GANC: variants seen among roughly 807,000 people sequenced by gnomAD.
GANC encodes glucosidase alpha, neutral C, also known as neutral alpha-glucosidase C.
A neutral mutation model predicts 124.2 loss-of-function variants in GANC; 117 were observed. The ratio of observed to expected loss-of-function variants is 0.94; its 90% CI spans 0.81 to 1.10. The LOEUF is 1.10. Ranked by LOEUF, GANC falls within the 50% of genes least tolerant of loss-of-function variation. The probability of loss-of-function intolerance (pLI) is 0.00; values close to 1 mark genes in which losing one functional copy is unlikely to be tolerated. For missense variants in GANC, 1,140 were observed against 1,095.0 expected, an observed-to-expected ratio of 1.04 and a Z score of -0.58; for synonymous variants, 377 against 376.8, an observed-to-expected ratio of 1.00 and a Z score of -0.01.
intron 5 of GANC, among the ~76,000 whole-genome samples, chr15:42,293,233 TA>T (rs2051859089): frequency 6.6e-6 from 1 of 152,320 alleles, no homozygotes; most frequent in South Asian, 2.1e-4. Flanking sequence ...CATACCTTCG[TA>T]ATTTCACTTC....
intron 15 of GANC, among the ~76,000 whole-genome samples, chr15:42,336,143 A>G (rs567240442): frequency 7.4e-5 from 11 of 148,238 alleles, no homozygotes; most frequent in Non-Finnish European, 8.9e-5. Flanking sequence ...GAACCAAAAA[A>G]AAAAAAGAAA....
chr15:42,342,352 G>A (rs991896432), intron 18 of GANC, among the ~76,000 whole-genome samples: 1 of 152,158 alleles, frequency 6.6e-6, no homozygotes, highest in Non-Finnish European at 1.5e-5. Flanking sequence ...GGGAGGTCGA[G>A]TATGAGATCG....
chr15:42,318,776 G>T lies in GANC; in HGVS notation c.1058-3009G>T, dbSNP rs142591325. Among the ~76,000 whole-genome samples the T allele has an allele frequency of 3.9e-3, 599 of 152,158 alleles. 3 individuals carry two copies. The highest frequency in any genetic ancestry group is 6.0e-3 in the Non-Finnish European group (407 of 67,992). ...ACTAATTTTTTCATTTTTTATATAGGCAGGGTCTCCCTAGGTTACCCAGGC... is the reference window on the plus strand; with the variant it reads ...ACTAATTTTTTCATTTTTTATATAGTCAGGGTCTCCCTAGGTTACCCAGGC... On this transcript the variant is annotated intron_variant, in intron 10 of 23. Coordinates refer to ENST00000318010, the MANE Select transcript of GANC (RefSeq NM_198141.3).
intron 15 of GANC, among the ~76,000 whole-genome samples, chr15:42,335,669 A>C (rs1276440701): frequency 6.6e-6 from 1 of 152,212 alleles, no homozygotes; most frequent in Non-Finnish European, 1.5e-5. Context: ...GAAAGAGAGG[A>C]AGTCAAACTA....
At position 42,273,525 on chromosome 15, in the gene GANC, G is replaced by C; in HGVS notation, c.-957G>C. 1 of 1,447,696 alleles carries C rather than the reference G, an allele frequency of 6.9e-7. No homozygotes were observed. Among genetic ancestry groups the C allele is most frequent in the Non-Finnish European group, 9.2e-7 (1 of 1,088,056 alleles). The allele number at this position is 1,447,696 out of a possible 1,614,324, so 89.7% of individuals were successfully genotyped here. The stretch of plus-strand genomic sequence containing the variant: ...AAACGTCGCGGAGCTTGTTTGCTGT[G>C]CGGCGTAGCGGCCCCTCTCTCAGAC... On this transcript the variant is annotated 5_prime_UTR_variant, in exon 1 of 24. Coordinates refer to ENST00000318010, the MANE Select transcript of GANC (RefSeq NM_198141.3).
intron 11 of GANC, among the ~76,000 whole-genome samples, chr15:42,322,881 G>A (rs1057413738): frequency 3.3e-5 from 5 of 151,812 alleles, no homozygotes; most frequent in Non-Finnish European, 7.4e-5. Context: ...GAGAAGGGGG[G>A]CGAAACCCTA....
intron 4 of GANC, among the ~76,000 whole-genome samples, 153 bp downstream of exon 4, chr15:42,287,971 T>C (rs940449193): frequency 1.3e-5 from 2 of 152,210 alleles, no homozygotes; most frequent in African/African-American, 2.4e-5. Flanking sequence ...TTTTTGCCAT[T>C]ACTTTTAATG....
intron 6 of GANC, among the ~76,000 whole-genome samples, chr15:42,300,479 T>C (rs993646860): frequency 2.6e-5 from 4 of 152,050 alleles, no homozygotes; most frequent in African/African-American, 4.8e-5. Flanking sequence ...TTTGGAGAAA[T>C]AGGAATGCTT....
At chr15:42,344,616 G>A (rs1003392847) in intron 19 of GANC, 7 of 152,236 alleles carry the variant, frequency 4.6e-5, no homozygotes, top group African/African-American at 1.7e-4. Flanking sequence ...TGACAGAACA[G>A]TAACCAGGCT....
chr15:42,288,275 T>A (rs1373669298), intron 4 of GANC, among the ~76,000 whole-genome samples: 2 of 152,206 alleles, frequency 1.3e-5, no homozygotes, highest in African/African-American at 4.8e-5. Flanking sequence ...TAATTAAGGT[T>A]ATTCTCAGAA....
At chr15:42,329,592 A>T in intron 14 of GANC, 143 bp downstream of exon 14, 5 of 659,530 alleles carry the variant, frequency 7.6e-6, no homozygotes, top group Non-Finnish European at 9.3e-6. Flanking sequence ...AGTCTTAGGT[A>T]GTAGCCAATA....
At chr15:42,340,839 T>C in intron 18 of GANC, 85 bp downstream of exon 18, 4 of 1,059,118 alleles carry the variant, frequency 3.8e-6, no homozygotes, top group Non-Finnish European at 5.5e-6. Flanking sequence ...CTATCTCGGC[T>C]CACTGCAACC....
intron 3 of GANC, among the ~76,000 whole-genome samples, chr15:42,285,503 G>A (rs1024620768): frequency 5.3e-5 from 8 of 152,202 alleles, no homozygotes; most frequent in Non-Finnish European, 1.2e-4. Flanking sequence ...CTATGTTGGT[G>A]ATAATAAGAG....
At chr15:42,309,267 C>A (rs907495886) in intron 8 of GANC, among the ~76,000 whole-genome samples, 1 of 152,124 alleles carries the variant, frequency 6.6e-6, no homozygotes, top group Non-Finnish European at 1.5e-5. Context: ...GCTCCCACCC[C>A]CAATTCAGTT....
chr15:42,283,697 C>A, intron 3 of GANC: 5 of 702,606 alleles, frequency 7.1e-6, no homozygotes, highest in Non-Finnish European at 1.0e-5. Flanking sequence ...TGTGAAGTTA[C>A]CCCTTGCCTC....
intron 15 of GANC, 92 bp downstream of exon 15, chr15:42,330,764 C>A: frequency 2.0e-5 from 11 of 555,076 alleles, no homozygotes; most frequent in Non-Finnish European, 2.9e-5. Flanking sequence ...TGATGCCTTC[C>A]TTTTCCTTTT....
At chr15:42,311,883 G>A (rs979350154) in intron 10 of GANC, among the ~76,000 whole-genome samples, 4 of 151,664 alleles carry the variant, frequency 2.6e-5, no homozygotes, top group African/African-American at 4.8e-5. Context: ...CTATATACCC[G>A]CAATGAACAA....
chr15:42,283,489 G>A (rs1458411077), intron 3 of GANC: 2 of 614,578 alleles, frequency 3.3e-6, no homozygotes, highest in African/African-American at 1.8e-5. Context: ...GCTGTCTTGT[G>A]AGTCTAGCTT....
In GANC at chr15:42,292,599, A is replaced by G. The variant is rs1220277546; in HGVS notation, c.330-136A>G. 4 of 780,948 alleles carry G rather than the reference A, an allele frequency of 5.1e-6. No homozygotes were observed. In the African/African-American group the frequency reaches 5.2e-5, roughly 10 times the overall value. The allele number at this position is 780,948 out of a possible 1,614,324, so 48.4% of individuals were successfully genotyped here. On this transcript the variant is annotated intron_variant, in intron 4 of 23. Transcript: ENST00000318010. ...TGGCATCAAAGCCAATGCTCTCATT[A>G]ACTTTTCTCTGTTGCCTTATCTATG...
Sources: allele counts gnomAD v4.1 joint callset (sites outside exome capture counted in the v4.1 genomes callset), GRCh38; gene constraint gnomAD v4.1.1; transcripts MANE v1.5; gene names NCBI Gene and HGNC (gene_info 2026-07-23, HGNC 2026-07-21).